Variants in CFAP410 observed in about 807,000 individuals in gnomAD.
The protein encoded by CFAP410 is cilia- and flagella-associated protein 410.
Under a neutral mutation model 25.7 loss-of-function variants are expected in CFAP410, and 27 were observed. The ratio of observed to expected loss-of-function variants is 1.05; its 90% CI spans 0.77 to 1.45. The LOEUF is 1.45. Among genes scored for constraint, CFAP410 ranks in the 40% most tolerant of loss-of-function variants. CFAP410 has a pLI of 0.00. For missense variants in CFAP410, 428 were observed against 354.1 expected, an observed-to-expected ratio of 1.21 and a Z score of -1.67; for synonymous variants, 178 against 158.4, an observed-to-expected ratio of 1.12 and a Z score of -0.93.
At chr21:44,338,515 C>A (rs965339031) in intron 1 of CFAP410, 9 of 321,490 alleles carry the variant, frequency 2.8e-5, no homozygotes, top group African/African-American at 1.8e-4. Flanking sequence ...GAACGGCCGC[C>A]CCCAGTACTG....
chr21:44,334,154 C>T (rs962932604), intron 3 of CFAP410: 20 of 456,202 alleles, frequency 4.4e-5, no homozygotes, highest in Admixed American at 1.2e-4. Context: ...TCCGCGGCCT[C>T]GAGGCTTCCT....
At chr21:44,337,728 CA>C in intron 1 of CFAP410, 61 bp from the exon 2 acceptor site, 1 of 1,413,010 alleles carries the variant, frequency 7.1e-7, no homozygotes. Flanking sequence ...ACACTGAAGA[CA>C]AAAATTCCAA....
At position 44,331,952 on chromosome 21, in the gene CFAP410, C is replaced by T. The variant is rs1017595293; in HGVS notation, c.436G>A (p.Glu146Lys). ...CCGCCGTGGCCTGTGCCCTCTCTCTCTGGGGCCGCAGTGATCTCCTCTCCC... is the reference window on the plus strand; with the variant it reads ...CCGCCGTGGCCTGTGCCCTCTCTCTTTGGGGCCGCAGTGATCTCCTCTCCC... ...SEGEEITAAPEREGTGHGGPK... is the reference protein window; with the variant it reads ...SEGEEITAAPKREGTGHGGPK... Residue 146 changes from glutamate to lysine, a missense_variant, in exon 5 of 7, where the codon GAG (glutamate) becomes AAG (lysine). Transcript: ENST00000339818. The T allele has an allele frequency of 6.2e-7, 1 of 1,613,622 alleles. No individual in the cohort carries two copies. Among genetic ancestry groups the T allele is most frequent in the Non-Finnish European group, 8.5e-7 (1 of 1,179,836 alleles).
At chr21:44,332,102 C>A in intron 4 of CFAP410, 88 bp from the exon 5 acceptor site, 5 of 1,103,982 alleles carry the variant, frequency 4.5e-6, no homozygotes, top group Non-Finnish European at 6.4e-6. Context: ...ACTGTGGCTT[C>A]AGGCACAGTC....
intron 5 of CFAP410, 28 bp downstream of exon 5, chr21:44,331,815 C>A: frequency 6.2e-7 from 1 of 1,601,416 alleles, no homozygotes; most frequent in Non-Finnish European, 8.5e-7. Flanking sequence ...GGATGGGCTG[C>A]GGAGTCCCCG....
rs758011352 is a variant in CFAP410, at chr21:44,339,086, C to A, written c.77+32G>T. The stretch of plus-strand genomic sequence containing the variant: ...GCCCCGCCCCGGCTCCTCCCCCCAC[C>A]CCGGGGCGGCCGCGGCCAGGCCCCG... On this transcript the variant is annotated intron_variant, in intron 1 of 6. Transcript: ENST00000339818. The A allele has an allele frequency of 9.4e-6, 13 of 1,379,896 alleles. No individual in the cohort carries two copies. In the South Asian group the frequency reaches 2.0e-4, roughly 21 times the overall value. 85.5% of individuals were successfully genotyped at this position (1,379,896 alleles called of 1,614,324 possible). A position where few individuals can be genotyped will look rare whatever the true frequency, so the allele number is the denominator to read the frequency against.
At chr21:44,338,428 A>C (rs905726686) in intron 1 of CFAP410, 13 of 657,546 alleles carry the variant, frequency 2.0e-5, no homozygotes, top group Middle Eastern at 6.0e-4. Context: ...AGTGAGACTC[A>C]GCATTACCTG....
Position 44,339,382 on chromosome 21 carries a change from G to T in CFAP410, c.-188C>A. On this transcript the variant is annotated 5_prime_UTR_variant, in exon 1 of 7. Transcript: ENST00000339818. ...GGGGCCGCTTGGGCGCCGCTGACAC[G>T]TTGGCTCTGCTCCTGCTCATGCGCG... 2.4e-6 allele frequency: 1 copy of T among 420,608 alleles called. No individual in the cohort carries two copies. The highest frequency in any genetic ancestry group is 4.2e-6 in the Non-Finnish European group (1 of 237,846). 26.1% of individuals were successfully genotyped at this position (420,608 alleles called of 1,614,324 possible). A position where few individuals can be genotyped will look rare whatever the true frequency, so the allele number is the denominator to read the frequency against.
intron 3 of CFAP410, 133 bp downstream of exon 3, chr21:44,335,625 C>G: frequency 2.8e-6 from 2 of 716,780 alleles, no homozygotes. Context: ...GGCCCCTCCC[C>G]TTCTGGAAGC....
At chr21:44,333,985 C>G in intron 3 of CFAP410, 1 of 404,354 alleles carries the variant, frequency 2.5e-6, no homozygotes, top group South Asian at 1.8e-5. Flanking sequence ...CCTGAGCCCC[C>G]CTCCCCATGC....
chr21:44,330,329 G>A lies in CFAP410; in HGVS notation c.643-3C>T, dbSNP rs1215356437. 2 of 1,608,682 alleles carry A rather than the reference G, an allele frequency of 1.2e-6. No homozygotes were observed. The highest frequency in any genetic ancestry group is 4.5e-5 in the East Asian group (2 of 44,776). On this transcript the variant is annotated splice_polypyrimidine_tract_variant and splice_region_variant and intron_variant, in intron 6 of 6. Coordinates refer to ENST00000339818, the MANE Select transcript of CFAP410 (RefSeq NM_004928.3). ...AGCAGGATGGCAGTCAGGACGTTCT[G>A]AGGGCAGAGGGGTGCGGACTAAGCC... is the stretch of plus-strand genomic sequence containing the variant.
chr21:44,330,198 T>C lies in CFAP410; in HGVS notation c.771A>G (p.Ter257TrpextTer103). The change falls in exon 7 of 7, where the codon TGA becomes TGG. Residue 257 changes from the stop codon to tryptophan, a stop_lost. Transcript: ENST00000339818. ...RGEEVQEHAE[*>W] Reference sequence around the variant, plus strand: ...CTGGAGCGGCGTTCAGGTCCTGCGGTCACTCGGCGTGCTCCTGCACCTCTT... The same window carrying C: ...CTGGAGCGGCGTTCAGGTCCTGCGGCCACTCGGCGTGCTCCTGCACCTCTT... 6.4e-7 allele frequency: 1 copy of C among 1,562,172 alleles called. No homozygotes were observed. The highest frequency in any genetic ancestry group is 1.9e-5 in the Admixed American group (1 of 53,824).
chr21:44,331,600 T>C, intron 5 of CFAP410: 1 of 518,388 alleles, frequency 1.9e-6, no homozygotes, highest in Non-Finnish European at 3.4e-6. Context: ...GGGGCCTGGC[T>C]CACCCCCTCT....
At chr21:44,337,498 G>A (rs1019852329) in intron 2 of CFAP410, 151 bp downstream of exon 2, 21 of 615,360 alleles carry the variant, frequency 3.4e-5, no homozygotes, top group East Asian at 1.1e-4. Flanking sequence ...AATGAAAACC[G>A]CTAAGTGAAC....
rs192125415 is a variant in CFAP410 at position 44,331,262 on chromosome 21, C to T, written c.546-343G>A. The T allele has an allele frequency of 7.1e-5, 28 of 392,608 alleles. No individual in the cohort carries two copies. In the East Asian group the frequency reaches 7.2e-4, roughly 10 times the overall value. 24.3% of individuals were successfully genotyped at this position (392,608 alleles called of 1,614,324 possible). A position where few individuals can be genotyped will look rare whatever the true frequency, so the allele number is the denominator to read the frequency against. On this transcript the variant is annotated intron_variant, in intron 5 of 6. Transcript: ENST00000339818. ...CTGACCATGGGGTCAGGCCCTGTGCCGGATGGCAGATGCCTAACAGAGATC... is the reference window on the plus strand; with the variant it reads ...CTGACCATGGGGTCAGGCCCTGTGCTGGATGGCAGATGCCTAACAGAGATC...
chr21:44,339,199 G>A lies in CFAP410; in HGVS notation c.-5C>T. The A allele has an allele frequency of 1.4e-6, 2 of 1,446,536 alleles. No individual in the cohort carries two copies. The highest frequency in any genetic ancestry group is 1.4e-5 in the South Asian group (1 of 72,088). 89.6% of individuals were successfully genotyped at this position (1,446,536 alleles called of 1,614,324 possible). ...CATCTTCCGCGTCAGCTTCATGGCGGCCGCCCAGGCCCGACCGGCGGGCGC... is the reference window on the plus strand; with the variant it reads ...CATCTTCCGCGTCAGCTTCATGGCGACCGCCCAGGCCCGACCGGCGGGCGC... On this transcript the variant is annotated 5_prime_UTR_variant, in exon 1 of 7. Coordinates refer to ENST00000339818, the MANE Select transcript of CFAP410 (RefSeq NM_004928.3).
In CFAP410 at chr21:44,335,800, G is replaced by C; in HGVS notation, c.101C>G (p.Ser34Cys). The C allele has an allele frequency of 1.3e-6, 2 of 1,588,586 alleles. No individual in the cohort carries two copies. Among genetic ancestry groups the C allele is most frequent in the Non-Finnish European group, 1.7e-6 (2 of 1,166,212 alleles). ...NCWGSRLTDISICQEMPSLEV... is the reference protein window; with the variant it reads ...NCWGSRLTDICICQEMPSLEV... ...CAGGCTGGGCATCTCCTGGCAAATG[G>C]AGATCTAGGAGGAAAAGAACATGAC... The change falls in exon 3 of 7, where the codon TCC (serine) becomes TGC (cysteine). Residue 34 changes from serine (S) to cysteine (C), a missense_variant. Ser to Cys is a moderately radical substitution (Grantham distance 112, BLOSUM62 -1). Coordinates refer to ENST00000339818, the MANE Select transcript of CFAP410 (RefSeq NM_004928.3).
At chr21:44,332,398 G>A (rs1296637417) in intron 4 of CFAP410, 1 of 188,072 alleles carries the variant, frequency 5.3e-6, no homozygotes, top group Non-Finnish European at 1.1e-5. Context: ...TTGTCTGGGA[G>A]AAAATAGTGG....
At chr21:44,335,711 C>T (rs757142399) in intron 3 of CFAP410, 47 bp downstream of exon 3, 2 of 1,496,290 alleles carry the variant, frequency 1.3e-6, no homozygotes, top group Non-Finnish European at 1.8e-6. Flanking sequence ...GAGGCTCTGC[C>T]CCGGCTTCCA....
Sources: gnomAD v4.1 joint callset for allele counts on GRCh38, gnomAD v4.1.1 for gene constraint, MANE v1.5 for transcripts, NCBI Gene and HGNC (gene_info 2026-07-23, HGNC 2026-07-21) for gene names.